Variants in IMPA2 observed in about 807,000 individuals in gnomAD.
The protein encoded by IMPA2 is inositol monophosphatase 2, also known as IMP 2.
IMPA2 carries 32 observed loss-of-function variants against 35.1 expected under a neutral mutation model. That is an observed-to-expected ratio of 0.91 (90% CI 0.69 to 1.23). The LOEUF is 1.23. Among genes scored for constraint, IMPA2 ranks in the 50% most tolerant of loss-of-function variants. The pLI is 0.00. For missense variants in IMPA2, 334 were observed against 387.6 expected (o/e 0.86, Z 1.16); for synonymous variants, 135 against 160.6 (o/e 0.84, Z 1.20).
chr18:12,022,146 A>G (rs771813353), intron 5 of IMPA2, among the ~76,000 whole-genome samples: 23 of 152,156 alleles, frequency 1.5e-4, no homozygotes, highest in Non-Finnish European at 2.5e-4. Flanking sequence ...AATCTCCAAA[A>G]TGTTTGTTCC....
chr18:11,986,018 G>A (rs189349178), intron 1 of IMPA2, among the ~76,000 whole-genome samples: 2 of 152,282 alleles, frequency 1.3e-5, no homozygotes, highest in East Asian at 3.9e-4. Flanking sequence ...AGGGTCCCTT[G>A]CAGGCAAGTG....
At chr18:12,026,408 T>C (rs1907883907) in intron 5 of IMPA2, among the ~76,000 whole-genome samples, 1 of 152,240 alleles carries the variant, frequency 6.6e-6, no homozygotes. Context: ...ATATAGTATT[T>C]AGATTCTTAG....
chr18:12,008,440 GC>G (rs2143802169), intron 2 of IMPA2: 1 of 505,136 alleles, frequency 2.0e-6, no homozygotes, highest in South Asian at 1.4e-5. Flanking sequence ...CTTAGCGCCT[GC>G]CCAAGGCCTC....
At chr18:12,013,585 T>C (rs1013860755) in intron 4 of IMPA2, among the ~76,000 whole-genome samples, 4 of 152,164 alleles carry the variant, frequency 2.6e-5, no homozygotes, top group African/African-American at 7.2e-5. Flanking sequence ...TGCTGGCCCT[T>C]GTTAACCCTG....
intron 2 of IMPA2, 25 bp downstream of exon 2, chr18:11,999,212 C>T (rs779664047): frequency 4.4e-6 from 7 of 1,604,648 alleles, no homozygotes; most frequent in Non-Finnish European, 6.0e-6. Context: ...CTGGGAAACA[C>T]CCCCAGTAAC....
chr18:12,019,700 A>T (rs1203995391), intron 5 of IMPA2, among the ~76,000 whole-genome samples: 1 of 152,008 alleles, frequency 6.6e-6, no homozygotes, highest in Non-Finnish European at 1.5e-5. Context: ...TTATAACATC[A>T]TGTATTGGTC....
intron 3 of IMPA2, among the ~76,000 whole-genome samples, chr18:12,011,616 T>C (rs1476764796): frequency 6.6e-6 from 1 of 152,244 alleles, no homozygotes; most frequent in African/African-American, 2.4e-5. Context: ...TTTGAAGATA[T>C]TGAGCGGCAA....
chr18:11,982,099 G>C (rs1357903836), intron 1 of IMPA2, among the ~76,000 whole-genome samples: 1 of 152,196 alleles, frequency 6.6e-6, no homozygotes, highest in African/African-American at 2.4e-5. Flanking sequence ...ACCTATGAAC[G>C]GATTCAGCTC....
intron 2 of IMPA2, among the ~76,000 whole-genome samples, chr18:12,006,456 C>G (rs1907250174): frequency 6.6e-6 from 1 of 152,214 alleles, no homozygotes; most frequent in Non-Finnish European, 1.5e-5. Context: ...TTCACTGCAT[C>G]TCATCTGCCT....
At chr18:12,007,772 CT>C (rs1257712317) in intron 2 of IMPA2, among the ~76,000 whole-genome samples, 1 of 129,122 alleles carries the variant, frequency 7.7e-6, no homozygotes, top group Non-Finnish European at 1.7e-5. Context: ...TTTTCTTTTT[CT>C]TTTCTTTCTT....
chr18:12,022,125 C>T (rs1907746621), intron 5 of IMPA2, among the ~76,000 whole-genome samples: 1 of 152,126 alleles, frequency 6.6e-6, no homozygotes, highest in Non-Finnish European at 1.5e-5. Context: ...GTACAATCAT[C>T]AGCACTATAT....
rs751914652 is a variant in IMPA2 at position 12,028,824 on chromosome 18, T to G, written c.600-18T>G. 2 of 1,612,354 alleles carry G rather than the reference T, an allele frequency of 1.2e-6. No individual in the cohort carries two copies. Among genetic ancestry groups the G allele is most frequent in the Non-Finnish European group, 1.7e-6 (2 of 1,179,114 alleles). On this transcript the variant is annotated intron_variant, in intron 6 of 7. Coordinates refer to ENST00000269159, the MANE Select transcript of IMPA2 (RefSeq NM_014214.3). ...GCTCCACTCCCGCCTGCATCTGTCC[T>G]CCCTTCCCTCTCCCCAGGGTCCGAG...
intron 5 of IMPA2, among the ~76,000 whole-genome samples, chr18:12,016,751 G>A (rs760000260): frequency 3.3e-5 from 5 of 152,100 alleles, no homozygotes; most frequent in Admixed American, 6.6e-5. Context: ...ACTAGAACTC[G>A]AGCAAGTTCC....
At chr18:12,001,643 C>T (rs1283682368) in intron 2 of IMPA2, among the ~76,000 whole-genome samples, 1 of 152,196 alleles carries the variant, frequency 6.6e-6, no homozygotes, top group African/African-American at 2.4e-5. Flanking sequence ...GGGGTGAGCA[C>T]AGGTACCTCC....
Position 12,005,068 on chromosome 18 carries a change from C to T in IMPA2, c.231-4815C>T, listed in dbSNP as rs190656966. Reference sequence around the variant, plus strand: ...AAGTATTTTTGGTGCCTCCAAAGACCGAGCACGGTTCACGCCTCTGCTGGC... The same window carrying T: ...AAGTATTTTTGGTGCCTCCAAAGACTGAGCACGGTTCACGCCTCTGCTGGC... On this transcript the variant is annotated intron_variant, in intron 2 of 7. Coordinates refer to ENST00000269159, the MANE Select transcript of IMPA2 (RefSeq NM_014214.3). Among the ~76,000 whole-genome samples, 716 of 152,300 alleles carry T rather than the reference C, an allele frequency of 4.7e-3. 6 individuals carry two copies. Among genetic ancestry groups the T allele is most frequent in the South Asian group, 0.022 (105 of 4,826 alleles).
Position 11,981,663 on chromosome 18 carries a change from G to A in IMPA2, c.-7G>A. The A allele has an allele frequency of 2.4e-6, 3 of 1,229,330 alleles. No individual in the cohort carries two copies. In the South Asian group the frequency reaches 1.2e-4, roughly 49 times the overall value. The allele number at this position is 1,229,330 out of a possible 1,614,324, so 76.2% of individuals were successfully genotyped here. On this transcript the variant is annotated 5_prime_UTR_variant, in exon 1 of 8. Transcript: ENST00000269159. The stretch of plus-strand genomic sequence containing the variant: ...GGCTGGAGGTGGAGGGGCCCGGCGA[G>A]GCCGCGATGAAGCCGAGCGGCGAGG...
rs1349656068 is a variant in IMPA2 at position 11,991,170 on chromosome 18, GGGCCACA to G, written c.97-7877_97-7871del. Among the ~76,000 whole-genome samples, 1 of 152,210 alleles carries G rather than the reference GGGCCACA, an allele frequency of 6.6e-6. No homozygotes were observed. The highest frequency in any genetic ancestry group is 1.5e-5 in the Non-Finnish European group (1 of 68,030). The stretch of plus-strand genomic sequence containing the variant: ...GGAGGAAAGCCACGAGGGGAGGCAG[GGGCCACA>G]GGCCACGGGCCCTGGAACACAGGGA... On this transcript the variant is annotated intron_variant, in intron 1 of 7. Coordinates refer to ENST00000269159, the MANE Select transcript of IMPA2 (RefSeq NM_014214.3). This position sits in a 1 kb window ranked among gnomAD's most constrained non-coding sequence, Gnocchi z 4.1.
intron 5 of IMPA2, chr18:12,017,671 C>T (rs954576069): frequency 2.0e-5 from 8 of 402,396 alleles, no homozygotes; most frequent in Non-Finnish European, 3.9e-5. Context: ...TCACTGCAGC[C>T]TCCACATCCT....
chr18:12,013,387 TG>T (rs1907486680), intron 4 of IMPA2, among the ~76,000 whole-genome samples: 1 of 152,182 alleles, frequency 6.6e-6, no homozygotes, highest in African/African-American at 2.4e-5. Context: ...CTGCAGGCTC[TG>T]AAAAAGCGTT....
Sources: gnomAD v4.1 joint callset for allele counts (sites outside exome capture counted in the v4.1 genomes callset) on GRCh38, gnomAD v4.1.1 for gene constraint, Gnocchi (gnomAD v3.1) non-coding constraint, MANE v1.5 for transcripts, NCBI Gene and HGNC (gene_info 2026-07-23, HGNC 2026-07-21) for gene names.